The following MSRA variants were observed in gnomAD, a reference collection of about 807,000 sequenced individuals.
The protein encoded by MSRA is mitochondrial peptide methionine sulfoxide reductase.
In MSRA, 54 loss-of-function variants were observed where a neutral mutation model predicts 31.3. The ratio of observed to expected loss-of-function variants is 1.73; its 90% confidence interval spans 1.39 to 2.17. The LOEUF (loss-of-function observed/expected upper bound fraction) is 2.17, where lower values mean the gene tolerates loss of function less well. Among genes scored for constraint, MSRA ranks in the 30% most tolerant of loss-of-function variants. The probability of loss-of-function intolerance (pLI) is 0.00; values close to 1 mark genes in which losing one functional copy is unlikely to be tolerated. For missense variants in MSRA, 507 were observed against 300.9 expected, an observed-to-expected ratio of 1.69 and a Z score of -5.07; for synonymous variants, 169 against 116.5, an observed-to-expected ratio of 1.45 and a Z score of -2.90.
chr8:10,104,979 C>G (rs887239563), intron 1 of MSRA, among the ~76,000 whole-genome samples: 4 of 152,182 alleles, frequency 2.6e-5, no homozygotes, highest in African/African-American at 4.8e-5. Flanking sequence ...TCTTGTCAAT[C>G]TCATGGGCAA....
At chr8:10,263,230 C>T (rs958610138) in intron 3 of MSRA, among the ~76,000 whole-genome samples, 3 of 152,230 alleles carry the variant, frequency 2.0e-5, no homozygotes, top group African/African-American at 7.2e-5. Context: ...AGTTGCCTTG[C>T]TGACTTTCCC....
At chr8:10,257,282 G>A (rs532907022) in intron 3 of MSRA, among the ~76,000 whole-genome samples, 6 of 152,320 alleles carry the variant, frequency 3.9e-5, no homozygotes, top group Middle Eastern at 3.4e-3. Context: ...ACAAAAAACA[G>A]TGTAATTAAA....
At chr8:10,366,513 G>C (rs1009385227) in intron 5 of MSRA, among the ~76,000 whole-genome samples, 43 of 152,378 alleles carry the variant, frequency 2.8e-4, no homozygotes, top group Non-Finnish European at 4.9e-4. Context: ...TGCCTGCTCA[G>C]CTGGGTCTTG....
At chr8:10,286,552 G>A (rs527845923) in intron 3 of MSRA, among the ~76,000 whole-genome samples, 1 of 152,318 alleles carries the variant, frequency 6.6e-6, no homozygotes, top group East Asian at 1.9e-4. Context: ...GCCCAGTCTT[G>A]GGTATGTCTT....
intron 1 of MSRA, among the ~76,000 whole-genome samples, chr8:10,174,386 G>A (rs1775483695): frequency 6.6e-6 from 1 of 152,128 alleles, no homozygotes; most frequent in African/African-American, 2.4e-5. Context: ...GAGCCCAGGA[G>A]GCTTCCCGGG....
chr8:10,184,104 T>C (rs895714102), intron 1 of MSRA, among the ~76,000 whole-genome samples: 21 of 151,830 alleles, frequency 1.4e-4, no homozygotes, highest in African/African-American at 4.8e-4. Context: ...GTAGTGTTGA[T>C]GGTCTTGGTG....
At chr8:10,287,544 C>G (rs992297923) in intron 3 of MSRA, among the ~76,000 whole-genome samples, 1 of 152,136 alleles carries the variant, frequency 6.6e-6, no homozygotes, top group Non-Finnish European at 1.5e-5. Context: ...TACCTAAGTC[C>G]AGAAGTGGGG....
At chr8:10,262,008 T>C (rs1009952539) in intron 3 of MSRA, among the ~76,000 whole-genome samples, 1 of 152,192 alleles carries the variant, frequency 6.6e-6, no homozygotes, top group African/African-American at 2.4e-5. Context: ...CTTTTTCACT[T>C]AGCAGTATGT....
At chr8:10,188,930 T>A (rs1221304721) in intron 1 of MSRA, among the ~76,000 whole-genome samples, 1 of 152,258 alleles carries the variant, frequency 6.6e-6, no homozygotes, top group Non-Finnish European at 1.5e-5. Context: ...TTCCATCAGC[T>A]TTGTGCTGAA....
intron 5 of MSRA, among the ~76,000 whole-genome samples, chr8:10,415,359 G>A (rs529344600): frequency 2.0e-5 from 3 of 152,294 alleles, no homozygotes; most frequent in African/African-American, 7.2e-5. Flanking sequence ...CTTCCTCTGG[G>A]TTCCCACTTG....
At chr8:10,174,835 C>G (rs1424397586) in intron 1 of MSRA, among the ~76,000 whole-genome samples, 1 of 152,166 alleles carries the variant, frequency 6.6e-6, no homozygotes, top group East Asian at 1.9e-4. Flanking sequence ...AAAAAACAAA[C>G]TCTTCACTTT....
chr8:10,397,786 C>G (rs546132206), intron 5 of MSRA, among the ~76,000 whole-genome samples: 2 of 152,178 alleles, frequency 1.3e-5, no homozygotes, highest in African/African-American at 2.4e-5. Flanking sequence ...TTGGAGCTTT[C>G]TTTGAAGAAC....
At chr8:10,303,029 C>T (rs984920220) in intron 4 of MSRA, among the ~76,000 whole-genome samples, 1 of 152,206 alleles carries the variant, frequency 6.6e-6, no homozygotes, top group Non-Finnish European at 1.5e-5. Context: ...GTCGCTCCTT[C>T]TGGTAAGTCA....
At chr8:10,238,178 C>T (rs1453111944) in intron 2 of MSRA, among the ~76,000 whole-genome samples, 1 of 152,166 alleles carries the variant, frequency 6.6e-6, no homozygotes, top group Non-Finnish European at 1.5e-5. Flanking sequence ...CTTGTTGCCC[C>T]TGTAGGACTG....
In MSRA at chr8:10,056,282, C is replaced by G. The variant is rs554366739; in HGVS notation, c.142+1624C>G. On this transcript the variant is annotated intron_variant, in intron 1 of 5. Transcript: ENST00000317173. Reference sequence around the variant, plus strand: ...AAACTGGTTCAAGGTCAAGATGGACCAAAATTTACTTTGGCTTTATCTTAA... The same window carrying G: ...AAACTGGTTCAAGGTCAAGATGGACGAAAATTTACTTTGGCTTTATCTTAA... Among the ~76,000 whole-genome samples the G allele has an allele frequency of 2.0e-5, 3 of 150,992 alleles. No homozygotes were observed. The South Asian group carries it at 6.3e-4, about 32-fold the overall frequency.
intron 3 of MSRA, among the ~76,000 whole-genome samples, chr8:10,300,330 A>C (rs1356577361): frequency 4.0e-5 from 6 of 151,340 alleles, no homozygotes; most frequent in Admixed American, 1.3e-4. Flanking sequence ...ATCTCGGCTT[A>C]CTGCAACCTC....
chr8:10,084,699 T>C (rs1234010052), intron 1 of MSRA, among the ~76,000 whole-genome samples: 1 of 152,238 alleles, frequency 6.6e-6, no homozygotes, highest in Non-Finnish European at 1.5e-5. Flanking sequence ...GAAGATTAAA[T>C]GACACAGAAG....
At chr8:10,292,589 G>C (rs1800301224) in intron 3 of MSRA, among the ~76,000 whole-genome samples, 2 of 152,230 alleles carry the variant, frequency 1.3e-5, no homozygotes, top group Admixed American at 1.3e-4. Context: ...GTGACTCAGT[G>C]GAGGAGCCCT....
intron 4 of MSRA, among the ~76,000 whole-genome samples, chr8:10,310,548 G>C (rs532607430): frequency 6.6e-6 from 1 of 152,378 alleles, no homozygotes; most frequent in East Asian, 1.9e-4. Flanking sequence ...CACTCTGAGT[G>C]ACAGACTCTT....
Sources: gnomAD v4.1 joint callset for allele counts (sites outside exome capture counted in the v4.1 genomes callset) on GRCh38, gnomAD v4.1.1 for gene constraint, MANE v1.5 for transcripts, NCBI Gene and HGNC (gene_info 2026-07-23, HGNC 2026-07-21) for gene names.